EYS: variants seen among roughly 807,000 people sequenced by gnomAD.
The protein encoded by EYS is protein eyes shut homolog.
EYS carries 250 observed loss-of-function variants against 282.1 expected under a neutral mutation model. The ratio of observed to expected loss-of-function variants is 0.89; its 90% CI spans 0.80 to 0.98. EYS has a LOEUF of 0.98. EYS is among the 50% of genes least tolerant of loss of function. EYS has a pLI of 0.00. For synonymous variants in EYS, 1,355 were observed against 1,282.9 expected (o/e 1.06, Z -1.20); for missense variants, 4,016 against 3,709.0 (o/e 1.08, Z -2.15).
Position 65,495,586 on chromosome 6 carries a change from A to G in EYS, c.-176T>C, listed in dbSNP as rs1394123227. 2 of 634,026 alleles carry G rather than the reference A, an allele frequency of 3.2e-6. No homozygotes were observed. The highest frequency in any genetic ancestry group is 3.7e-5 in the African/African-American group (2 of 54,510). 39.3% of individuals were successfully genotyped at this position (634,026 alleles called of 1,614,324 possible). ...CAATGTGCTTTGATGGAGAAACAGG[A>G]ATTCAAATGTTGTAAATATTCCTTT... On this transcript the variant is annotated 5_prime_UTR_variant, in exon 4 of 43. Coordinates refer to ENST00000503581, the MANE Select transcript of EYS (RefSeq NM_001142800.2).
intron 19 of EYS, among the ~76,000 whole-genome samples, chr6:64,869,151 A>G (rs1486627539): frequency 6.6e-6 from 1 of 151,528 alleles, no homozygotes; most frequent in Non-Finnish European, 1.5e-5. Context: ...TATCACTCAG[A>G]TACATCAAGG....
At chr6:65,373,921 T>C (rs1765256937) in intron 8 of EYS, among the ~76,000 whole-genome samples, 1 of 152,206 alleles carries the variant, frequency 6.6e-6, no homozygotes, top group East Asian at 1.9e-4. Context: ...ACAAGTCATA[T>C]TTTCCCTGGA....
chr6:65,470,553 T>C (rs1415484003), intron 5 of EYS, among the ~76,000 whole-genome samples: 1 of 152,186 alleles, frequency 6.6e-6, no homozygotes, highest in Non-Finnish European at 1.5e-5. Context: ...GAATACAATA[T>C]ATTGTCACTA....
At position 65,678,104 on chromosome 6, in the gene EYS, C is replaced by T. The variant is rs577781131; in HGVS notation, c.-448+29031G>A. Among the ~76,000 whole-genome samples the T allele has an allele frequency of 4.1e-4, 62 of 152,024 alleles. 1 individual carries two copies. The highest frequency in any genetic ancestry group is 6.8e-3 in the Middle Eastern group (2 of 294). On this transcript the variant is annotated intron_variant, in intron 1 of 42. Transcript: ENST00000503581. ...AAGCTTATAATCATTGTGAAGGGAA[C>T]GGGAGCCAGCATGTCACATGATGAG...
chr6:65,270,723 C>A (rs538632689), intron 12 of EYS, among the ~76,000 whole-genome samples: 1 of 151,952 alleles, frequency 6.6e-6, no homozygotes, highest in East Asian at 1.9e-4. Context: ...TGATTGCAAC[C>A]CCTACCTTCC....
At chr6:64,052,447 T>C (rs933207991) in intron 33 of EYS, among the ~76,000 whole-genome samples, 1 of 152,188 alleles carries the variant, frequency 6.6e-6, no homozygotes, top group Admixed American at 6.6e-5. Context: ...ACATACCTCC[T>C]TGTATTAGAT....
chr6:63,804,569 CCT>C (rs1369478795), intron 37 of EYS, among the ~76,000 whole-genome samples: 2 of 152,150 alleles, frequency 1.3e-5, no homozygotes, highest in African/African-American at 4.8e-5. Flanking sequence ...ATGCACCAAA[CCT>C]CTGAGACAGG....
chr6:64,507,563 TAA>T (rs894254757), intron 26 of EYS, among the ~76,000 whole-genome samples: 6 of 152,190 alleles, frequency 3.9e-5, no homozygotes, highest in Non-Finnish European at 7.4e-5. Flanking sequence ...ACAACCATAA[TAA>T]GAGACTGCAT....
chr6:63,944,592 C>T (rs963853305), intron 35 of EYS, among the ~76,000 whole-genome samples: 7 of 152,070 alleles, frequency 4.6e-5, no homozygotes, highest in African/African-American at 1.7e-4. Context: ...GAACACTTTA[C>T]ATCTACTCTT....
At chr6:65,622,680 GT>G (rs1166617590) in intron 2 of EYS, among the ~76,000 whole-genome samples, 26 of 151,690 alleles carry the variant, frequency 1.7e-4, no homozygotes, top group Admixed American at 1.7e-3. Flanking sequence ...TGTTAAGATT[GT>G]TGCATTTCTT....
chr6:65,619,520 C>T (rs1766380215), intron 2 of EYS, among the ~76,000 whole-genome samples: 1 of 152,184 alleles, frequency 6.6e-6, no homozygotes, highest in Non-Finnish European at 1.5e-5. Context: ...TTGACTTCCT[C>T]TTTTCCTAAT....
At chr6:65,468,384 A>C (rs1242560570) in intron 5 of EYS, among the ~76,000 whole-genome samples, 1 of 152,152 alleles carries the variant, frequency 6.6e-6, no homozygotes, top group East Asian at 1.9e-4. Context: ...TAGATTAGCT[A>C]CTTTACATTT....
intron 36 of EYS, among the ~76,000 whole-genome samples, chr6:63,848,712 C>G (rs983448740): frequency 6.6e-6 from 1 of 152,132 alleles, no homozygotes; most frequent in South Asian, 2.1e-4. Flanking sequence ...CTCTCAGGTG[C>G]CTACATCACC....
chr6:64,711,773 G>A (rs1270144742), intron 22 of EYS, among the ~76,000 whole-genome samples: 2 of 152,172 alleles, frequency 1.3e-5, no homozygotes, highest in Non-Finnish European at 1.5e-5. Context: ...TCAGACTTGC[G>A]CCCCTCCGAA....
rs1299037904 is a variant in EYS, at chr6:64,343,799, T to C, written c.6079-36717A>G. Among the ~76,000 whole-genome samples the C allele has an allele frequency of 8.5e-5, 13 of 152,166 alleles. No individual in the cohort carries two copies. In the East Asian group the frequency reaches 1.5e-3, roughly 18 times the overall value. On this transcript the variant is annotated intron_variant, in intron 29 of 42. Transcript: ENST00000503581. ...TTTTTGAAAAGATCAACAAAATTGA[T>C]AGACTGCTAGCCAGACTAATAAAGA...
In EYS at chr6:64,010,582, G is replaced by T. The variant is rs1768572082; in HGVS notation, c.6726-11399C>A. Among the ~76,000 whole-genome samples, 4 of 151,746 alleles carry T rather than the reference G, an allele frequency of 2.6e-5. No homozygotes were observed. In the South Asian group the frequency reaches 8.3e-4, roughly 32 times the overall value. On this transcript the variant is annotated intron_variant, in intron 33 of 42. Coordinates refer to ENST00000503581, the MANE Select transcript of EYS (RefSeq NM_001142800.2). ...TCCTGTTCCATTGTTGGTTTTCTTG[G>T]TTCCTTTTCCAGTATCTTTATGGGT...
chr6:64,842,736 C>T (rs907828304), intron 19 of EYS, among the ~76,000 whole-genome samples: 25 of 151,916 alleles, frequency 1.6e-4, no homozygotes, highest in African/African-American at 5.6e-4. Context: ...GAACTTTGAA[C>T]TTGAGAGAGA....
intron 23 of EYS, among the ~76,000 whole-genome samples, chr6:64,621,957 G>A (rs1767458334): frequency 6.6e-6 from 1 of 152,040 alleles, no homozygotes; most frequent in African/African-American, 2.4e-5. Context: ...ACTATACATG[G>A]TACTATTTCG....
intron 26 of EYS, among the ~76,000 whole-genome samples, chr6:64,523,782 A>T (rs117994861): frequency 0.016 from 2,472 of 151,838 alleles, 22 homozygotes; most frequent in South Asian, 0.035. Flanking sequence ...GAATGGTGGT[A>T]AGATTCTTCT....
Sources: allele counts gnomAD v4.1 joint callset (sites outside exome capture counted in the v4.1 genomes callset), GRCh38; gene constraint gnomAD v4.1.1; transcripts MANE v1.5; gene names NCBI Gene and HGNC (gene_info 2026-07-23, HGNC 2026-07-21).